PLEKHA8: variants seen among roughly 807,000 people sequenced by gnomAD.
The protein encoded by PLEKHA8 is pleckstrin homology domain containing A8.
In PLEKHA8, 36 loss-of-function variants were observed where a neutral mutation model predicts 68.2. The ratio of observed to expected loss-of-function variants is 0.53; its 90% CI spans 0.40 to 0.70. PLEKHA8 has a LOEUF of 0.70. Ranked by LOEUF, PLEKHA8 falls within the 30% of genes least tolerant of loss-of-function variation. The pLI, the probability that PLEKHA8 is intolerant of heterozygous loss-of-function variation, is 0.00. For missense variants in PLEKHA8, 505 were observed against 615.4 expected, an observed-to-expected ratio of 0.82 and a Z score of 1.90; for synonymous variants, 211 against 216.1, an observed-to-expected ratio of 0.98 and a Z score of 0.20.
chr7:30,034,627 A>G (rs146580509), intron 1 of PLEKHA8, among the ~76,000 whole-genome samples: 250 of 152,340 alleles, frequency 1.6e-3, no homozygotes, highest in African/African-American at 5.2e-3. Flanking sequence ...GAAGTGGGTC[A>G]TTGTAAAGGT....
In PLEKHA8 at chr7:30,059,063, G is replaced by A. The variant is rs1465795593; in HGVS notation, c.1040-1821G>A. Among the ~76,000 whole-genome samples the A allele has an allele frequency of 2.6e-5, 4 of 152,372 alleles. No individual in the cohort carries two copies. In the East Asian group the frequency reaches 5.8e-4, roughly 22 times the overall value. ...ACGAGCCTGGGATATCAAGGCTGCA[G>A]TGAGCCGTGGCTGCACCACTGCACT... On this transcript the variant is annotated intron_variant, in intron 9 of 13. Coordinates refer to ENST00000449726, the MANE Select transcript of PLEKHA8 (RefSeq NM_001197026.2).
downstream of PLEKHA8, among the ~76,000 whole-genome samples, chr7:30,094,957 G>C (rs1264735851): frequency 2.0e-5 from 3 of 152,034 alleles, no homozygotes. Context: ...CCAAGTCTTT[G>C]CTATTGTGAA....
intron 1 of PLEKHA8, among the ~76,000 whole-genome samples, chr7:30,039,027 T>C (rs943398267): frequency 6.6e-6 from 1 of 152,208 alleles, no homozygotes; most frequent in Admixed American, 6.5e-5. Flanking sequence ...TGTTCAACAT[T>C]AATTGAACTG....
chr7:30,129,257 C>T (rs1216664733), intron 13 of PLEKHA8: 1 of 1,612,652 alleles, frequency 6.2e-7, no homozygotes, highest in Non-Finnish European at 8.5e-7. Context: ...CTCTTTTATC[C>T]TGGTGTAGGT....
In PLEKHA8 at chr7:30,036,001, A is replaced by G. The variant is rs545356028; in HGVS notation, c.40+7199A>G. Among the ~76,000 whole-genome samples the G allele has an allele frequency of 4.6e-5, 7 of 150,950 alleles. No homozygotes were observed. The South Asian group carries it at 1.5e-3, about 33-fold the overall frequency. On this transcript the variant is annotated intron_variant, in intron 1 of 13. Coordinates refer to ENST00000449726, the MANE Select transcript of PLEKHA8 (RefSeq NM_001197026.2). The stretch of plus-strand genomic sequence containing the variant: ...CCAGGCATGGTGGCTCACACCTGTA[A>G]TGCCAACACTTTGGGAGGCCGACAT...
At chr7:30,038,744 A>G (rs374604426) in intron 1 of PLEKHA8, among the ~76,000 whole-genome samples, 1 of 152,188 alleles carries the variant, frequency 6.6e-6, no homozygotes, top group African/African-American at 2.4e-5. Context: ...TGGATGAGCC[A>G]CTTGTCACAA....
chr7:30,039,755 C>A (rs1791384157), intron 1 of PLEKHA8, among the ~76,000 whole-genome samples: 1 of 152,046 alleles, frequency 6.6e-6, no homozygotes, highest in South Asian at 2.1e-4. Flanking sequence ...TATATAAGAG[C>A]ATGTCTGTGA....
chr7:30,047,811 TATC>T lies in PLEKHA8; in HGVS notation c.314-15_314-13del, dbSNP rs752178566. On this transcript the variant is annotated intron_variant, in intron 3 of 13. Transcript: ENST00000449726. Reference sequence around the variant, plus strand: ...CAGTTGTTTGTTCTGGTTACTGCATTATCATCATTTTGTCATTTAGAGTTTGCT... The same window carrying T: ...CAGTTGTTTGTTCTGGTTACTGCATTATCATTTTGTCATTTAGAGTTTGCT... 1.1e-5 allele frequency: 18 copies of T among 1,604,682 alleles called. No homozygotes were observed. Among genetic ancestry groups the T allele is most frequent in the Non-Finnish European group, 1.5e-5 (18 of 1,174,646 alleles).
chr7:30,082,030 C>T lies in PLEKHA8; in HGVS notation c.*3243C>T. The T allele has an allele frequency of 1.1e-6, 1 of 951,326 alleles. No individual in the cohort carries two copies. Among genetic ancestry groups the T allele is most frequent in the African/African-American group, 1.8e-5 (1 of 56,578 alleles). 58.9% of individuals were successfully genotyped at this position (951,326 alleles called of 1,614,324 possible). On this transcript the variant is annotated 3_prime_UTR_variant, in exon 14 of 14. Transcript: ENST00000449726. ...AACTATGAGGAGAAGATGGTCTTCTCATTGGCTCTTGATGTAGCTCTGAAG... is the reference window on the plus strand; with the variant it reads ...AACTATGAGGAGAAGATGGTCTTCTTATTGGCTCTTGATGTAGCTCTGAAG...
intron 11 of PLEKHA8, 49 bp from the exon 12 acceptor site, chr7:30,062,623 A>G: frequency 7.1e-7 from 1 of 1,403,334 alleles, no homozygotes. Context: ...ATACCCACTC[A>G]ACATAAGTGA....
chr7:30,029,198 A>C (rs1410260809), intron 1 of PLEKHA8, among the ~76,000 whole-genome samples: 2 of 152,248 alleles, frequency 1.3e-5, no homozygotes, highest in Non-Finnish European at 2.9e-5. Context: ...GAAGGTTTCA[A>C]AAGAATGCCA....
Position 30,057,951 on chromosome 7 carries a change from C to A in PLEKHA8, c.1039+2609C>A, listed in dbSNP as rs146898369. On this transcript the variant is annotated intron_variant, in intron 9 of 13. Transcript: ENST00000449726. ...TATGAGTATTTTAGTTGTTTGACTT[C>A]TTCACCAGCATTTGGTAGTGTCAAT... Among the ~76,000 whole-genome samples the A allele has an allele frequency of 2.6e-5, 4 of 152,290 alleles. No homozygotes were observed. In the East Asian group the frequency reaches 7.7e-4, roughly 29 times the overall value.
At chr7:30,112,077 T>A (rs189486460) in intron 13 of PLEKHA8, among the ~76,000 whole-genome samples, 4 of 152,308 alleles carry the variant, frequency 2.6e-5, no homozygotes, top group Admixed American at 1.3e-4. Flanking sequence ...TGTAATTATG[T>A]TGATATCAGA....
intron 13 of PLEKHA8, among the ~76,000 whole-genome samples, chr7:30,125,017 A>G (rs1352380110): frequency 6.6e-6 from 1 of 152,108 alleles, no homozygotes; most frequent in African/African-American, 2.4e-5. Flanking sequence ...AATAAAATAC[A>G]TGGAACATAA....
In PLEKHA8 at chr7:30,084,188, G is replaced by A; in HGVS notation, c.*5401G>A. 6 of 985,302 alleles carry A rather than the reference G, an allele frequency of 6.1e-6. No homozygotes were observed. Among genetic ancestry groups the A allele is most frequent in the Non-Finnish European group, 7.2e-6 (6 of 829,790 alleles). The allele number at this position is 985,302 out of a possible 1,614,324, so 61.0% of individuals were successfully genotyped here. A position where few individuals can be genotyped will look rare whatever the true frequency, so the allele number is the denominator to read the frequency against. ...CATAAAGAAGAAACATGATAGACCA[G>A]ATGCCAAAGGCTAAAATGTACATAG... On this transcript the variant is annotated 3_prime_UTR_variant, in exon 14 of 14. Coordinates refer to ENST00000449726, the MANE Select transcript of PLEKHA8 (RefSeq NM_001197026.2).
At chr7:30,101,353 C>G (rs576643453) in intron 13 of PLEKHA8, among the ~76,000 whole-genome samples, 1 of 152,208 alleles carries the variant, frequency 6.6e-6, no homozygotes, top group Non-Finnish European at 1.5e-5. Context: ...AGCTTATGAA[C>G]AACGGGAGTT....
rs781524873 is a variant in PLEKHA8, at chr7:30,047,866, A to G, written c.348A>G (p.Lys116=). 1 of 1,610,042 alleles carries G rather than the reference A, an allele frequency of 6.2e-7. No individual in the cohort carries two copies. Among genetic ancestry groups the G allele is most frequent in the Admixed American group, 1.7e-5 (1 of 59,574 alleles). ...AAAACACTGAAAACTTGAAAACCAA[A>G]ATGTCAGAACTAAGACTCTACTGTG... ...FAENTENLKT[K]MSELRLYCDL... Residue 116 remains lysine (K), a synonymous_variant, in exon 4 of 14, where the codon AAA becomes AAG. Transcript: ENST00000449726.
chr7:30,103,454 A>T (rs139458433), intron 13 of PLEKHA8, among the ~76,000 whole-genome samples: 260 of 152,342 alleles, frequency 1.7e-3, no homozygotes, highest in African/African-American at 6.0e-3. Context: ...TGTATGTAGA[A>T]ATGCAAAGGA....
intron 13 of PLEKHA8, among the ~76,000 whole-genome samples, chr7:30,103,069 T>TA (rs1795908443): frequency 6.6e-6 from 1 of 151,740 alleles, no homozygotes; most frequent in Non-Finnish European, 1.5e-5. Context: ...ACCTTGTCTT[T>TA]AAAAAAAAGA....
Sources: gnomAD v4.1 joint callset for allele counts (sites outside exome capture counted in the v4.1 genomes callset) on GRCh38, gnomAD v4.1.1 for gene constraint, MANE v1.5 for transcripts, NCBI Gene and HGNC (gene_info 2026-07-23, HGNC 2026-07-21) for gene names.